OPCML: variants seen among roughly 807,000 people sequenced by gnomAD.
The protein encoded by OPCML is opioid binding protein/cell adhesion molecule like.
A neutral mutation model predicts 37.8 loss-of-function variants in OPCML; 13 were observed. The observed-to-expected ratio is 0.34, with a 90% CI of 0.22 to 0.55. OPCML has a LOEUF of 0.55. Ranked by LOEUF, OPCML falls within the 20% of genes least tolerant of loss-of-function variation. OPCML has a pLI of 0.91. For missense variants in OPCML, 341 were observed against 435.6 expected, an observed-to-expected ratio of 0.78 and a Z score of 1.93; for synonymous variants, 176 against 168.8, an observed-to-expected ratio of 1.04 and a Z score of -0.33.
At chr11:132,853,091 A>G (rs768362536) in intron 2 of OPCML, among the ~76,000 whole-genome samples, 15 of 152,218 alleles carry the variant, frequency 9.9e-5, no homozygotes, top group Non-Finnish European at 1.5e-4. Flanking sequence ...AATGATCTTG[A>G]ATGAAATTAT....
intron 2 of OPCML, among the ~76,000 whole-genome samples, chr11:132,921,179 C>T (rs1166903401): frequency 2.0e-5 from 3 of 152,160 alleles, no homozygotes; most frequent in East Asian, 1.9e-4. Flanking sequence ...CACCTTGTTT[C>T]CCTCAGCTTT....
At chr11:132,775,317 T>TTTGCA (rs1432933372) in intron 2 of OPCML, among the ~76,000 whole-genome samples, 1 of 152,236 alleles carries the variant, frequency 6.6e-6, no homozygotes, top group African/African-American at 2.4e-5. Context: ...AGTTTGATTA[T>TTTGCA]TTGCATTGCG....
intron 1 of OPCML, among the ~76,000 whole-genome samples, chr11:133,257,251 T>C (rs1188157244): frequency 3.3e-5 from 5 of 152,218 alleles, no homozygotes; most frequent in African/African-American, 9.6e-5. Flanking sequence ...CAATGACCTA[T>C]AATTTCAAAA....
chr11:132,737,618 C>T (rs4343035), intron 2 of OPCML, among the ~76,000 whole-genome samples: 38,412 of 152,030 alleles, frequency 0.25, 5,297 homozygotes, highest in Non-Finnish European at 0.31. Flanking sequence ...TCCCATGTTG[C>T]TGACCTTTAC....
chr11:132,912,554 A>AT (rs1304238650), intron 2 of OPCML, among the ~76,000 whole-genome samples: 2 of 152,238 alleles, frequency 1.3e-5, no homozygotes, highest in Non-Finnish European at 2.9e-5. Flanking sequence ...CAATCTATAT[A>AT]CTTACAAATG....
At chr11:133,439,679 G>C (rs549367615) in intron 1 of OPCML, among the ~76,000 whole-genome samples, 1 of 150,604 alleles carries the variant, frequency 6.6e-6, no homozygotes, top group South Asian at 2.1e-4. Context: ...GTTTTAGCCA[G>C]GATGGTCTCG....
At chr11:132,732,262 A>G (rs758330146) in intron 2 of OPCML, among the ~76,000 whole-genome samples, 2 of 152,230 alleles carry the variant, frequency 1.3e-5, no homozygotes, top group African/African-American at 2.4e-5. Context: ...ATTTAAGACA[A>G]AAATCTACCT....
intron 1 of OPCML, among the ~76,000 whole-genome samples, chr11:133,487,025 C>T (rs1403749511): frequency 6.6e-6 from 1 of 151,986 alleles, no homozygotes; most frequent in African/African-American, 2.4e-5. Flanking sequence ...TTCCAGAGCC[C>T]CCATCATTGT....
At chr11:132,430,176 C>A (rs1195324492) in intron 7 of OPCML, among the ~76,000 whole-genome samples, 1 of 152,164 alleles carries the variant, frequency 6.6e-6, no homozygotes, top group African/African-American at 2.4e-5. Context: ...GGAGGTCGCA[C>A]TGAAGAGAAG....
chr11:133,501,975 G>A (rs577334807), intron 1 of OPCML, among the ~76,000 whole-genome samples: 19 of 151,584 alleles, frequency 1.3e-4, no homozygotes, highest in African/African-American at 2.2e-4. Flanking sequence ...CCCCTTCCAC[G>A]ACCGCTGCTG....
At chr11:132,728,011 G>C (rs926449758) in intron 2 of OPCML, among the ~76,000 whole-genome samples, 1 of 152,298 alleles carries the variant, frequency 6.6e-6, no homozygotes, top group African/African-American at 2.4e-5. Flanking sequence ...GGCTAAGAGG[G>C]AGGAAGAAAC....
At chr11:132,973,735 C>T (rs150593936) in intron 1 of OPCML, among the ~76,000 whole-genome samples, 16 of 152,322 alleles carry the variant, frequency 1.1e-4, no homozygotes, top group African/African-American at 3.6e-4. Flanking sequence ...TCACTTCATA[C>T]ATCTACTTTC....
At chr11:132,527,595 C>A (rs2096311963) in intron 4 of OPCML, among the ~76,000 whole-genome samples, 1 of 151,042 alleles carries the variant, frequency 6.6e-6, no homozygotes, top group Non-Finnish European at 1.5e-5. Flanking sequence ...TGGAAGAATT[C>A]TTCATATACA....
At chr11:133,482,763 C>G (rs1477393944) in intron 1 of OPCML, among the ~76,000 whole-genome samples, 1 of 151,350 alleles carries the variant, frequency 6.6e-6, no homozygotes, top group Non-Finnish European at 1.5e-5. Flanking sequence ...TTTAACTCAG[C>G]AAAGATAGAC....
chr11:132,803,940 G>A (rs1236322668), intron 2 of OPCML, among the ~76,000 whole-genome samples: 1 of 152,162 alleles, frequency 6.6e-6, no homozygotes, highest in African/African-American at 2.4e-5. Context: ...TAGGATGCTT[G>A]CTAAGAAGAA....
At chr11:132,547,609 T>C (rs569284200) in intron 3 of OPCML, among the ~76,000 whole-genome samples, 1 of 152,322 alleles carries the variant, frequency 6.6e-6, no homozygotes, top group Admixed American at 6.5e-5. Context: ...ATCAGATTTA[T>C]TATCTTTGAA....
At chr11:133,513,022 C>G (rs1948192338) in intron 1 of OPCML, among the ~76,000 whole-genome samples, 1 of 152,178 alleles carries the variant, frequency 6.6e-6, no homozygotes, top group Non-Finnish European at 1.5e-5. Flanking sequence ...ACAAACCTTT[C>G]AAGGCATAAA....
intron 1 of OPCML, among the ~76,000 whole-genome samples, chr11:133,140,542 A>AGAAGAG (rs1949760559): frequency 3.7e-5 from 5 of 134,244 alleles, no homozygotes; most frequent in Non-Finnish European, 7.6e-5. Flanking sequence ...AAGAAGAAGA[A>AGAAGAG]GAAGAAGAAG....
chr11:132,847,203 G>C (rs945144748), intron 2 of OPCML, among the ~76,000 whole-genome samples: 1 of 152,122 alleles, frequency 6.6e-6, no homozygotes, highest in Non-Finnish European at 1.5e-5. Flanking sequence ...AGGATAAAAA[G>C]AACGAAAACC....
Sources: gnomAD v4.1 joint callset for allele counts (sites outside exome capture counted in the v4.1 genomes callset) on GRCh38, gnomAD v4.1.1 for gene constraint, MANE v1.5 for transcripts, NCBI Gene and HGNC (gene_info 2026-07-23, HGNC 2026-07-21) for gene names.